Variants in TM4SF4 observed in about 807,000 individuals in gnomAD.
TM4SF4 encodes transmembrane 4 L6 family member 4.
In TM4SF4, 24 loss-of-function variants were observed where a neutral mutation model predicts 24.1. The ratio of observed to expected loss-of-function variants is 1.00; its 90% confidence interval spans 0.72 to 1.40. The LOEUF is 1.40. TM4SF4 is among the 40% of genes most tolerant of loss of function. TM4SF4 has a pLI of 0.00. For synonymous variants in TM4SF4, 113 were observed against 97.0 expected (o/e 1.17, Z -0.97); for missense variants, 254 against 254.2 (o/e 1.00, Z 0.01).
intron 3 of TM4SF4, 58 bp downstream of exon 3, chr3:149,487,813 TG>T (rs1734145741): frequency 1.6e-5 from 26 of 1,598,190 alleles, no homozygotes; most frequent in Non-Finnish European, 2.0e-5. Flanking sequence ...GCAGATAAAT[TG>T]CCCAAGGGGA....
chr3:149,476,616 C>G (rs943927627), intron 2 of TM4SF4, among the ~76,000 whole-genome samples: 3 of 152,162 alleles, frequency 2.0e-5, no homozygotes, highest in Non-Finnish European at 4.4e-5. Context: ...GGAAGCTGGA[C>G]TAGACCAGAA....
intron 2 of TM4SF4, among the ~76,000 whole-genome samples, chr3:149,486,548 T>G (rs1269229969): frequency 2.0e-5 from 3 of 152,224 alleles, no homozygotes; most frequent in African/African-American, 7.2e-5. Flanking sequence ...TTTTCATCCG[T>G]AAGAGGGAGT....
chr3:149,494,481 G>A (rs62269283), intron 3 of TM4SF4, among the ~76,000 whole-genome samples: 2,911 of 152,136 alleles, frequency 0.019, 51 homozygotes, highest in South Asian at 0.039. Flanking sequence ...GGAAAATATT[G>A]CATCTTTATA....
intron 2 of TM4SF4, among the ~76,000 whole-genome samples, chr3:149,487,261 A>G (rs1451342694): frequency 6.6e-6 from 1 of 152,234 alleles, no homozygotes; most frequent in Non-Finnish European, 1.5e-5. Context: ...GTCTCAAAAA[A>G]AAAGATTACG....
Position 149,502,958 on chromosome 3 carries a change from G to A in TM4SF4, c.*265G>A. On this transcript the variant is annotated 3_prime_UTR_variant, in exon 5 of 5. Coordinates refer to ENST00000305354, the MANE Select transcript of TM4SF4 (RefSeq NM_004617.4). ...TTTAGAATTTACCAACAGGTTCAAAGCATACTTTTCATGATTTTTTTATTA... is the reference window on the plus strand; with the variant it reads ...TTTAGAATTTACCAACAGGTTCAAAACATACTTTTCATGATTTTTTTATTA... 1 of 381,432 alleles carries A rather than the reference G, an allele frequency of 2.6e-6. No individual in the cohort carries two copies. The highest frequency in any genetic ancestry group is 5.5e-5 in the South Asian group (1 of 18,068). The allele number at this position is 381,432 out of a possible 1,614,324, so 23.6% of individuals were successfully genotyped here.
At chr3:149,490,006 G>A (rs2107871971) in intron 3 of TM4SF4, among the ~76,000 whole-genome samples, 1 of 152,046 alleles carries the variant, frequency 6.6e-6, no homozygotes, top group African/African-American at 2.4e-5. Flanking sequence ...GTACAGGGAT[G>A]TATTACAAAA....
chr3:149,498,755 G>A lies in TM4SF4; in HGVS notation c.435G>A (p.Lys145=). 1 of 1,613,966 alleles carries A rather than the reference G, an allele frequency of 6.2e-7. No individual in the cohort carries two copies. The highest frequency in any genetic ancestry group is 8.5e-7 in the Non-Finnish European group (1 of 1,179,872). The change falls in exon 4 of 5, where the codon AAG becomes AAA. Residue 145 remains lysine (K), a synonymous_variant. Transcript: ENST00000305354. ...TCAATGATGAGGCCTTATGGAACAAGTGCCGAGAGCCTCTCAATGTGGTTC... is the reference window on the plus strand; with the variant it reads ...TCAATGATGAGGCCTTATGGAACAAATGCCGAGAGCCTCTCAATGTGGTTC... The part of the protein sequence containing the change: ...DYLNDEALWN[K]CREPLNVVPW...
rs1028045545 is a variant in TM4SF4, at chr3:149,502,862, G to A, written c.*169G>A. On this transcript the variant is annotated 3_prime_UTR_variant, in exon 5 of 5. Coordinates refer to ENST00000305354, the MANE Select transcript of TM4SF4 (RefSeq NM_004617.4). ...CCAGCTTTGCTCGAGTTAGAATTTT[G>A]TTATTTTCAAATAAAAAATAGTTTG... 8.4e-6 allele frequency: 4 copies of A among 473,978 alleles called. No individual in the cohort carries two copies. The highest frequency in any genetic ancestry group is 1.5e-5 in the Non-Finnish European group (4 of 265,938). The allele number at this position is 473,978 out of a possible 1,614,324, so 29.4% of individuals were successfully genotyped here. A position where few individuals can be genotyped will look rare whatever the true frequency, so the allele number is the denominator to read the frequency against.
chr3:149,502,727 T>G lies in TM4SF4; in HGVS notation c.*34T>G. The stretch of plus-strand genomic sequence containing the variant: ...GATGAGCTGCTCAGACTCTACAGCA[T>G]GACGACTACAATTTCTTTTCATAAA... On this transcript the variant is annotated 3_prime_UTR_variant, in exon 5 of 5. Transcript: ENST00000305354. 1 of 1,526,378 alleles carries G rather than the reference T, an allele frequency of 6.6e-7. No individual in the cohort carries two copies. Among genetic ancestry groups the G allele is most frequent in the Non-Finnish European group, 9.1e-7 (1 of 1,103,176 alleles). 94.6% of individuals were successfully genotyped at this position (1,526,378 alleles called of 1,614,324 possible).
chr3:149,487,678 C>G lies in TM4SF4; in HGVS notation c.324C>G (p.Ile108Met). The G allele has an allele frequency of 6.2e-7, 1 of 1,614,020 alleles. No individual in the cohort carries two copies. The highest frequency in any genetic ancestry group is 8.5e-7 in the Non-Finnish European group (1 of 1,179,874). Residue 108 changes from isoleucine to methionine, a missense_variant, in exon 3 of 5, where the codon ATC (isoleucine) becomes ATG (methionine). Physicochemically the swap from Ile to Met is conservative, Grantham distance 10. Transcript: ENST00000305354. ...VGFLGAGYSFIISAISINKGP... is the reference protein window; with the variant it reads ...VGFLGAGYSFMISAISINKGP... ...TCTTGGGAGCTGGATACTCGTTTAT[C>G]ATCTCAGCCATTTCAATCAACAAGG...
chr3:149,493,870 G>A (rs989083864), intron 3 of TM4SF4, among the ~76,000 whole-genome samples: 1 of 152,180 alleles, frequency 6.6e-6, no homozygotes, highest in Admixed American at 6.5e-5. Flanking sequence ...CAGAGGAGGT[G>A]GCATCTGAAT....
At chr3:149,479,841 A>G (rs984081606) in intron 2 of TM4SF4, among the ~76,000 whole-genome samples, 5 of 152,112 alleles carry the variant, frequency 3.3e-5, no homozygotes, top group African/African-American at 9.7e-5. Flanking sequence ...CATCTGCATT[A>G]TATCTTTCTG....
chr3:149,489,947 C>A (rs558590216), intron 3 of TM4SF4, among the ~76,000 whole-genome samples: 1 of 151,648 alleles, frequency 6.6e-6, no homozygotes, highest in African/African-American at 2.4e-5. Context: ...ATTTGAACAC[C>A]GAGACATCTG....
At chr3:149,489,280 G>A (rs1734170723) in intron 3 of TM4SF4, among the ~76,000 whole-genome samples, 1 of 152,154 alleles carries the variant, frequency 6.6e-6, no homozygotes, top group Non-Finnish European at 1.5e-5. Flanking sequence ...TCTCCACCTA[G>A]GGGTGTGTGT....
intron 3 of TM4SF4, among the ~76,000 whole-genome samples, chr3:149,489,234 C>T (rs1576520176): frequency 6.6e-6 from 1 of 152,218 alleles, no homozygotes; most frequent in Non-Finnish European, 1.5e-5. Context: ...CCCCACAACC[C>T]GCCCCCATTG....
At chr3:149,479,161 G>GC (rs1217583044) in intron 2 of TM4SF4, among the ~76,000 whole-genome samples, 1 of 152,020 alleles carries the variant, frequency 6.6e-6, no homozygotes, top group Non-Finnish European at 1.5e-5. Context: ...GGCACCCCTA[G>GC]CCTGCATTTT....
intron 2 of TM4SF4, among the ~76,000 whole-genome samples, chr3:149,476,792 GTTT>G (rs1222196664): frequency 2.9e-5 from 3 of 102,862 alleles, no homozygotes; most frequent in Middle Eastern, 0.011. Flanking sequence ...TTTCTTTTCT[GTTT>G]TTTTTTGTTT....
intron 2 of TM4SF4, among the ~76,000 whole-genome samples, chr3:149,478,292 T>C (rs1383921371): frequency 1.3e-5 from 2 of 151,904 alleles, no homozygotes; most frequent in Non-Finnish European, 2.9e-5. Context: ...ATTACAGCCA[T>C]GTGCCACCAT....
intron 4 of TM4SF4, among the ~76,000 whole-genome samples, chr3:149,499,818 T>G (rs983132232): frequency 2.0e-5 from 3 of 151,354 alleles, no homozygotes; most frequent in Admixed American, 2.0e-4. Context: ...GAGGTTGCAG[T>G]GAGCCGAGAT....
Sources: gnomAD v4.1 joint callset for allele counts (sites outside exome capture counted in the v4.1 genomes callset) on GRCh38, gnomAD v4.1.1 for gene constraint, MANE v1.5 for transcripts, NCBI Gene and HGNC (gene_info 2026-07-23, HGNC 2026-07-21) for gene names.